CCDC91: variants seen among roughly 807,000 people sequenced by gnomAD.
CCDC91 encodes the protein coiled-coil domain-containing protein 91.
Under a neutral mutation model 63.2 loss-of-function variants are expected in CCDC91, and 48 were observed. The ratio of observed to expected loss-of-function variants is 0.76; its 90% CI spans 0.60 to 0.97. The LOEUF (loss-of-function observed/expected upper bound fraction) is 0.97, where lower values mean the gene tolerates loss of function less well. Ranked by LOEUF, CCDC91 falls within the 50% of genes least tolerant of loss-of-function variation. The pLI is 0.00. For synonymous variants in CCDC91, 167 were observed against 165.8 expected (o/e 1.01, Z -0.06); for missense variants, 500 against 494.6 (o/e 1.01, Z -0.10).
intron 6 of CCDC91, among the ~76,000 whole-genome samples, chr12:28,355,434 G>A (rs1172060742): frequency 6.6e-6 from 1 of 152,128 alleles, no homozygotes; most frequent in East Asian, 1.9e-4. Context: ...GACATGTTGT[G>A]CTAATGGAGA....
intron 3 of CCDC91, among the ~76,000 whole-genome samples, chr12:28,272,250 G>A (rs1016450398): frequency 2.6e-5 from 4 of 151,794 alleles, no homozygotes; most frequent in African/African-American, 9.7e-5. Flanking sequence ...TTGGGCTTCT[G>A]AATGTATGGA....
chr12:28,239,703 C>T (rs1400902296), intron 1 of CCDC91, among the ~76,000 whole-genome samples: 3 of 152,030 alleles, frequency 2.0e-5, no homozygotes, highest in Non-Finnish European at 4.4e-5. Context: ...TGGGATGTAA[C>T]ACACAGGTAA....
At chr12:28,216,642 T>C (rs1240890430) in intron 1 of CCDC91, among the ~76,000 whole-genome samples, 1 of 147,270 alleles carries the variant, frequency 6.8e-6, no homozygotes, top group Non-Finnish European at 1.5e-5. Context: ...TTTTATATAG[T>C]TATATATTTT....
In CCDC91 at chr12:28,484,148, A is replaced by G. The variant is rs371371659; in HGVS notation, c.1198A>G (p.Ile400Val). 9.4e-6 allele frequency: 15 copies of G among 1,602,374 alleles called. No individual in the cohort carries two copies. Among genetic ancestry groups the G allele is most frequent in the Non-Finnish European group, 1.2e-5 (14 of 1,172,940 alleles). Reference sequence around the variant, plus strand: ...AACAAGAGATGAATTGATAGAGTATATAAAAGAACAGAAAAGGGTAAGTAT... The same window carrying G: ...AACAAGAGATGAATTGATAGAGTATGTAAAAGAACAGAAAAGGGTAAGTAT... The part of the protein sequence containing the change: ...KRTRDELIEY[I>V]KEQKRLDQVI... Residue 400 changes from isoleucine (I) to valine (V), a missense_variant, in exon 12 of 13, where the codon ATA (isoleucine) becomes GTA (valine). By Grantham distance (29) the Ile-to-Val change is conservative. Transcript: ENST00000536442.
chr12:28,356,542 C>T (rs1943540057), intron 6 of CCDC91, among the ~76,000 whole-genome samples: 4 of 151,976 alleles, frequency 2.6e-5, no homozygotes, highest in South Asian at 2.1e-4. Context: ...CCACAGATTT[C>T]CTTTTGGAAT....
At chr12:28,427,250 GCGC>G (rs1314535519) in intron 8 of CCDC91, among the ~76,000 whole-genome samples, 1 of 152,106 alleles carries the variant, frequency 6.6e-6, no homozygotes, top group Non-Finnish European at 1.5e-5. Context: ...AAAGGCTAGA[GCGC>G]GCTGGAATCT....
intron 1 of CCDC91, among the ~76,000 whole-genome samples, chr12:28,234,959 A>G (rs1321263074): frequency 1.3e-5 from 2 of 152,136 alleles, no homozygotes; most frequent in South Asian, 4.1e-4. Context: ...TGAGTCAGGA[A>G]TTTGAGAATG....
At chr12:28,342,618 C>A (rs1592367486) in intron 6 of CCDC91, among the ~76,000 whole-genome samples, 2 of 151,870 alleles carry the variant, frequency 1.3e-5, no homozygotes, top group East Asian at 3.9e-4. Flanking sequence ...AAATTGATGA[C>A]CAAGTGAAAG....
At chr12:28,394,283 G>GGT (rs1946137787) in intron 8 of CCDC91, among the ~76,000 whole-genome samples, 1 of 152,062 alleles carries the variant, frequency 6.6e-6, no homozygotes. Flanking sequence ...TGGCTAACAG[G>GGT]GTGAAACCCC....
intron 3 of CCDC91, among the ~76,000 whole-genome samples, chr12:28,288,641 A>G (rs1406183558): frequency 1.3e-5 from 2 of 152,096 alleles, no homozygotes; most frequent in Non-Finnish European, 2.9e-5. Flanking sequence ...GCATGAAATA[A>G]TTATTTTTCG....
At chr12:28,216,173 A>G (rs1054038257) in intron 1 of CCDC91, among the ~76,000 whole-genome samples, 3 of 152,098 alleles carry the variant, frequency 2.0e-5, no homozygotes, top group East Asian at 1.9e-4. Flanking sequence ...TCTAATTACC[A>G]TACATTCTTT....
intron 1 of CCDC91, among the ~76,000 whole-genome samples, chr12:28,242,320 T>G (rs1020797034): frequency 2.6e-5 from 4 of 152,198 alleles, no homozygotes; most frequent in Non-Finnish European, 5.9e-5. Flanking sequence ...AGGTGCCCTT[T>G]TGGCGCTTGC....
intron 7 of CCDC91, among the ~76,000 whole-genome samples, chr12:28,366,848 A>G (rs10743620): frequency 0.96 from 145,562 of 152,088 alleles, 69,969 homozygotes; most frequent in East Asian, 1. Flanking sequence ...ACTGGTATTG[A>G]TGGAGGCCTG....
At chr12:28,199,873 CTCTT>C (rs777082597) in intron 1 of CCDC91, among the ~76,000 whole-genome samples, 4 of 152,110 alleles carry the variant, frequency 2.6e-5, no homozygotes, top group Admixed American at 6.5e-5. Flanking sequence ...TCAGTATTCT[CTCTT>C]TATGTTTCGA....
intron 1 of CCDC91, among the ~76,000 whole-genome samples, chr12:28,193,444 T>C (rs1941446230): frequency 6.6e-6 from 1 of 151,980 alleles, no homozygotes; most frequent in South Asian, 2.1e-4. Context: ...CTACTAAAAA[T>C]ACAAAAATTA....
intron 1 of CCDC91, among the ~76,000 whole-genome samples, chr12:28,202,218 G>C (rs1376346444): frequency 1.3e-5 from 2 of 152,012 alleles, no homozygotes. Context: ...AAAATATTTA[G>C]AGAAAACGTT....
At chr12:28,251,500 A>T (rs1253115848) in intron 1 of CCDC91, among the ~76,000 whole-genome samples, 1 of 152,048 alleles carries the variant, frequency 6.6e-6, no homozygotes, top group African/African-American at 2.4e-5. Context: ...TTTTTCTCAG[A>T]ATATTTTGAT....
rs1486062702 is a variant in CCDC91 at position 28,542,805 on chromosome 12, AAGC to A, written c.1216-6255_1216-6253del. Among the ~76,000 whole-genome samples the A allele has an allele frequency of 2.6e-5, 4 of 152,172 alleles. No individual in the cohort carries two copies. In the East Asian group the frequency reaches 7.7e-4, roughly 29 times the overall value. ...TAAAGGTATTTTTTTTATTTTTAAT[AAGC>A]AGGACACATGCTGTACAGAAATGGC... is the stretch of plus-strand genomic sequence containing the variant. On this transcript the variant is annotated intron_variant, in intron 12 of 12. Coordinates refer to ENST00000536442, the MANE Select transcript of CCDC91 (RefSeq NM_018318.5).
At chr12:28,412,191 T>G (rs1387382127) in intron 8 of CCDC91, among the ~76,000 whole-genome samples, 1 of 152,208 alleles carries the variant, frequency 6.6e-6, no homozygotes, top group Non-Finnish European at 1.5e-5. Flanking sequence ...CTCTATGATG[T>G]TCACACAATG....
Sources: gnomAD v4.1 joint callset for allele counts (sites outside exome capture counted in the v4.1 genomes callset) on GRCh38, gnomAD v4.1.1 for gene constraint, MANE v1.5 for transcripts, NCBI Gene and HGNC (gene_info 2026-07-23, HGNC 2026-07-21) for gene names.